GPBP1L1: variants seen among roughly 807,000 people sequenced by gnomAD.
GPBP1L1 encodes GC-rich promoter binding protein 1 like 1, also known as vasculin-like protein 1.
Under a neutral mutation model 52.5 loss-of-function variants are expected in GPBP1L1, and 23 were observed. That is an observed-to-expected ratio of 0.44 (90% CI 0.32 to 0.62). The LOEUF (loss-of-function observed/expected upper bound fraction) is 0.62, where lower values mean the gene tolerates loss of function less well. Among genes scored for constraint, GPBP1L1 ranks in the 20% least tolerant of loss-of-function variants. The pLI is 0.06. For synonymous variants in GPBP1L1, 243 were observed against 203.1 expected (o/e 1.20, Z -1.67); for missense variants, 596 against 579.3 (o/e 1.03, Z -0.30).
chr1:45,674,717 G>A (rs892467996), intron 2 of GPBP1L1, among the ~76,000 whole-genome samples: 1 of 152,220 alleles, frequency 6.6e-6, no homozygotes, highest in Non-Finnish European at 1.5e-5. Context: ...ACCTGATACT[G>A]TACAGGGTAT....
intron 2 of GPBP1L1, among the ~76,000 whole-genome samples, chr1:45,685,182 A>C (rs1299366101): frequency 6.6e-6 from 1 of 152,210 alleles, no homozygotes; most frequent in Non-Finnish European, 1.5e-5. Context: ...TCTAGTAAAT[A>C]TCTCAAACTT....
chr1:45,640,171 T>G (rs760928310), intron 8 of GPBP1L1, 39 bp downstream of exon 8: 1 of 1,489,402 alleles, frequency 6.7e-7, no homozygotes, highest in Admixed American at 2.0e-5. Context: ...TTCCCAAACC[T>G]CTCTTGTATA....
Position 45,655,454 on chromosome 1 carries a change from C to A in GPBP1L1, c.61-135G>T, listed in dbSNP as rs566014549. ...GAAACTCATATTGTAAGCATATGGA[C>A]CCTAAGGGTACCCACAGGTGCCTAA... On this transcript the variant is annotated intron_variant, in intron 4 of 12. Coordinates refer to ENST00000355105, the MANE Select transcript of GPBP1L1 (RefSeq NM_021639.5). The A allele has an allele frequency of 3.2e-6, 3 of 944,220 alleles. No individual in the cohort carries two copies. In the South Asian group the frequency reaches 4.9e-5, roughly 15 times the overall value. The allele number at this position is 944,220 out of a possible 1,614,324, so 58.5% of individuals were successfully genotyped here. A position where few individuals can be genotyped will look rare whatever the true frequency, so the allele number is the denominator to read the frequency against.
At chr1:45,646,169 G>A (rs1439274680) in intron 6 of GPBP1L1, 5 of 360,754 alleles carry the variant, frequency 1.4e-5, no homozygotes, top group East Asian at 8.3e-5. Flanking sequence ...ACTCTTGAGA[G>A]CAACAGGTAG....
chr1:45,648,531 G>C lies in GPBP1L1; in HGVS notation c.477+6012C>G, dbSNP rs150203301. 3.1e-3 allele frequency among the ~76,000 whole-genome samples: 469 copies of C among 152,294 alleles called. 1 individual carries two copies. Among genetic ancestry groups the C allele is most frequent in the African/African-American group, 0.011 (448 of 41,550 alleles). ...TGGCTCTGTTAGCATTCTTTATGCT[G>C]TCAGGTGCTCTGCTGCTTCCCTTCA... is the stretch of plus-strand genomic sequence containing the variant. On this transcript the variant is annotated intron_variant, in intron 6 of 12. Coordinates refer to ENST00000355105, the MANE Select transcript of GPBP1L1 (RefSeq NM_021639.5).
At chr1:45,680,352 C>T (rs1001959373) in intron 2 of GPBP1L1, among the ~76,000 whole-genome samples, 1 of 150,932 alleles carries the variant, frequency 6.6e-6, no homozygotes, top group Non-Finnish European at 1.5e-5. Flanking sequence ...GATTCTAGTG[C>T]CTCAGCCTCC....
In GPBP1L1 at chr1:45,634,056, G is replaced by C. The variant is rs113987630; in HGVS notation, c.885+40C>G. 1.6e-4 allele frequency: 247 copies of C among 1,551,664 alleles called. 1 individual carries two copies. In the African/African-American group the frequency reaches 3.0e-3, roughly 19 times the overall value. On this transcript the variant is annotated intron_variant, in intron 9 of 12. Coordinates refer to ENST00000355105, the MANE Select transcript of GPBP1L1 (RefSeq NM_021639.5). ...TTGTTATCTAAGTGAACGGGAAATG[G>C]CAATTTCAGAAAAGACTGTCCTGCT...
intron 4 of GPBP1L1, chr1:45,655,552 C>G (rs1362512082): frequency 2.7e-6 from 1 of 366,408 alleles, no homozygotes; most frequent in Non-Finnish European, 4.9e-6. Context: ...GAAAAGCTAG[C>G]CACTTCAATT....
At chr1:45,648,330 T>C (rs755594880) in intron 6 of GPBP1L1, among the ~76,000 whole-genome samples, 6 of 152,222 alleles carry the variant, frequency 3.9e-5, no homozygotes, top group Admixed American at 6.5e-5. Flanking sequence ...AAATTCCTTA[T>C]ATTAACTTTC....
intron 2 of GPBP1L1, among the ~76,000 whole-genome samples, chr1:45,675,969 A>G (rs1056630559): frequency 2.0e-5 from 3 of 152,222 alleles, no homozygotes; most frequent in African/African-American, 7.2e-5. Flanking sequence ...TCATGATTTG[A>G]AAACCACACA....
At chr1:45,680,471 T>A (rs923277190) in intron 2 of GPBP1L1, among the ~76,000 whole-genome samples, 2 of 152,068 alleles carry the variant, frequency 1.3e-5, no homozygotes, top group East Asian at 3.8e-4. Flanking sequence ...ACTCCTGGCC[T>A]CATGTGATCC....
intron 8 of GPBP1L1, among the ~76,000 whole-genome samples, chr1:45,638,964 CA>C (rs1478450161): frequency 6.6e-6 from 1 of 151,820 alleles, no homozygotes; most frequent in Non-Finnish European, 1.5e-5. Flanking sequence ...AGGACTAGCA[CA>C]CTATGACCCA....
chr1:45,675,806 G>A (rs1441169935), intron 2 of GPBP1L1, among the ~76,000 whole-genome samples: 1 of 152,140 alleles, frequency 6.6e-6, no homozygotes, highest in Admixed American at 6.6e-5. Context: ...CTCCCAAAGT[G>A]CTAGGATTAC....
At chr1:45,687,748 C>T (rs1383025473), upstream of GPBP1L1, 2 of 152,250 alleles carry the variant, frequency 1.3e-5, no homozygotes, top group Admixed American at 1.3e-4. Flanking sequence ...GTTTATAGGT[C>T]CCAGCAAAGA....
At chr1:45,686,613 C>T (rs982001758), upstream of GPBP1L1, 7 of 152,604 alleles carry the variant, frequency 4.6e-5, no homozygotes, top group East Asian at 7.7e-4. Flanking sequence ...ATCCCCCGTC[C>T]GACCCCGCCT....
chr1:45,665,743 TAA>T (rs949281797), intron 2 of GPBP1L1, among the ~76,000 whole-genome samples: 1,287 of 109,630 alleles, frequency 0.012, 11 homozygotes, highest in African/African-American at 0.027. Flanking sequence ...GACGCCGTCT[TAA>T]AAAAAAAAAA....
chr1:45,662,241 C>CA (rs1644955583), intron 2 of GPBP1L1, among the ~76,000 whole-genome samples: 1 of 152,168 alleles, frequency 6.6e-6, no homozygotes, highest in Non-Finnish European at 1.5e-5. Context: ...GCAATCCTCT[C>CA]AGAGACCTCA....
chr1:45,641,461 A>AACACACACAC (rs143580004), intron 7 of GPBP1L1, among the ~76,000 whole-genome samples: 1 of 146,760 alleles, frequency 6.8e-6, no homozygotes, highest in African/African-American at 2.5e-5. Context: ...CATACACATA[A>AACACACACAC]ACACACACAC....
chr1:45,645,194 A>C (rs1644728097), intron 6 of GPBP1L1, among the ~76,000 whole-genome samples: 1 of 152,142 alleles, frequency 6.6e-6, no homozygotes, highest in Non-Finnish European at 1.5e-5. Context: ...AAACTATTTC[A>C]AGATCACAAT....
Sources: allele counts gnomAD v4.1 joint callset (sites outside exome capture counted in the v4.1 genomes callset), GRCh38; gene constraint gnomAD v4.1.1; transcripts MANE v1.5; gene names NCBI Gene and HGNC (gene_info 2026-07-23, HGNC 2026-07-21).